Variants in INSR observed in about 807,000 individuals in gnomAD.
INSR encodes insulin receptor, also known as IR.
Under a neutral mutation model 142.6 loss-of-function variants are expected in INSR, and 67 were observed. That is an observed-to-expected ratio of 0.47 (90% CI 0.39 to 0.58). The LOEUF is 0.58. Among genes scored for constraint, INSR ranks in the 20% least tolerant of loss-of-function variants. The pLI, the probability that INSR is intolerant of heterozygous loss-of-function variation, is 0.00. For synonymous variants in INSR, 756 were observed against 743.1 expected (o/e 1.02, Z -0.28); for missense variants, 1,248 against 1,833.2 (o/e 0.68, Z 5.83).
chr19:7,140,451 G>A (rs756832105), intron 13 of INSR, among the ~76,000 whole-genome samples: 2 of 152,118 alleles, frequency 1.3e-5, no homozygotes, highest in Non-Finnish European at 2.9e-5. Flanking sequence ...ATCTGGCCAC[G>A]GAGTCAAACA....
chr19:7,126,327 C>A (rs1474321804), intron 16 of INSR, among the ~76,000 whole-genome samples: 2 of 152,218 alleles, frequency 1.3e-5, no homozygotes, highest in Non-Finnish European at 2.9e-5. Context: ...CAGCTGAGCC[C>A]AGCCCAAGTG....
intron 9 of INSR, among the ~76,000 whole-genome samples, chr19:7,153,470 A>ACACACACCACACACGCAC (rs1973501582): frequency 4.7e-5 from 1 of 21,264 alleles, no homozygotes; most frequent in Admixed American, 6.3e-4. Context: ...CACACACCAC[A>ACACACACCACACACGCAC]CACACACCAC....
chr19:7,143,291 G>C (rs1973117763), intron 11 of INSR, among the ~76,000 whole-genome samples: 1 of 152,216 alleles, frequency 6.6e-6, no homozygotes, highest in African/African-American at 2.4e-5. Flanking sequence ...AGCATCTGAA[G>C]GATTAGAGCA....
chr19:7,283,587 G>A (rs896307234), intron 1 of INSR, among the ~76,000 whole-genome samples: 3 of 152,094 alleles, frequency 2.0e-5, no homozygotes, highest in Admixed American at 6.6e-5. Flanking sequence ...CTACAGGCAT[G>A]AGCCACCGTG....
intron 2 of INSR, among the ~76,000 whole-genome samples, chr19:7,227,601 G>A (rs1306854500): frequency 3.9e-5 from 6 of 152,132 alleles, no homozygotes; most frequent in East Asian, 1.9e-4. Flanking sequence ...GAAAGATCAC[G>A]TGCTTTTTCC....
In INSR at chr19:7,113,410, C is replaced by G. The variant is rs1163999323; in HGVS notation, c.*3646G>C. The G allele has an allele frequency of 2.0e-5, 3 of 152,216 alleles. No individual in the cohort carries two copies. Among genetic ancestry groups the G allele is most frequent in the Non-Finnish European group, 4.4e-5 (3 of 68,058 alleles). 9.4% of individuals were successfully genotyped at this position (152,216 alleles called of 1,614,324 possible). On this transcript the variant is annotated 3_prime_UTR_variant, in exon 22 of 22. Transcript: ENST00000302850. The stretch of plus-strand genomic sequence containing the variant: ...TATATCCAGACAAGCAGCAGTGCTT[C>G]TCTTTCTCACTGCTTCCAATGATGA...
At position 7,233,668 on chromosome 19, in the gene INSR, CTTTTTTT is replaced by C. The variant is rs35763064; in HGVS notation, c.652+33670_652+33676del. On this transcript the variant is annotated intron_variant, in intron 2 of 21. Transcript: ENST00000302850. The stretch of plus-strand genomic sequence containing the variant: ...CGTCTTTTGTTTTTTCTTTTTCTGT[CTTTTTTT>C]TTTTTTTTTTTTTTTTTTGAGACGC... Among the ~76,000 whole-genome samples the C allele has an allele frequency of 1.9e-4, 14 of 72,408 alleles. No homozygotes were observed. The East Asian group carries it at 4.9e-3, about 25-fold the overall frequency. 47.5% of individuals were successfully genotyped at this position (72,408 alleles called of 152,430 possible). A position where few individuals can be genotyped will look rare whatever the true frequency, so the allele number is the denominator to read the frequency against.
Position 7,164,593 on chromosome 19 carries a change from G to A in INSR, c.1862-1394C>T, listed in dbSNP as rs374415885. On this transcript the variant is annotated intron_variant, in intron 8 of 21. Coordinates refer to ENST00000302850, the MANE Select transcript of INSR (RefSeq NM_000208.4). Reference sequence around the variant, plus strand: ...AGCACTTTGGGAAGCCGAGGCAGGCGGATCACCTGAGGCTCGGAGTTCGAG... The same window carrying A: ...AGCACTTTGGGAAGCCGAGGCAGGCAGATCACCTGAGGCTCGGAGTTCGAG... 8.9e-5 allele frequency among the ~76,000 whole-genome samples: 13 copies of A among 145,288 alleles called. No homozygotes were observed. In the East Asian group the frequency reaches 2.0e-3, roughly 23 times the overall value.
At chr19:7,121,407 G>A (rs888867317) in intron 19 of INSR, among the ~76,000 whole-genome samples, 2 of 152,110 alleles carry the variant, frequency 1.3e-5, no homozygotes, top group Non-Finnish European at 2.9e-5. Context: ...GTCCTTCTGG[G>A]TCTGGTTTCT....
chr19:7,142,525 T>C (rs1973095953), intron 12 of INSR, among the ~76,000 whole-genome samples: 2 of 150,228 alleles, frequency 1.3e-5, no homozygotes, highest in South Asian at 4.2e-4. Flanking sequence ...TGAAACCCCA[T>C]CTCTACTAAA....
At chr19:7,126,370 G>C (rs1251744824) in intron 16 of INSR, among the ~76,000 whole-genome samples, 1 of 152,266 alleles carries the variant, frequency 6.6e-6, no homozygotes, top group Non-Finnish European at 1.5e-5. Flanking sequence ...AGACCGGCTA[G>C]ATGAGCCCAT....
intron 2 of INSR, among the ~76,000 whole-genome samples, chr19:7,204,029 C>T (rs1215746707): frequency 6.6e-6 from 1 of 151,932 alleles, no homozygotes; most frequent in Admixed American, 6.6e-5. Flanking sequence ...ATTACAGGCT[C>T]CCGGCTCACT....
intron 1 of INSR, among the ~76,000 whole-genome samples, chr19:7,273,581 T>C (rs1483357866): frequency 1.3e-5 from 2 of 151,734 alleles, no homozygotes; most frequent in Non-Finnish European, 1.5e-5. Context: ...TGCAGTGGCA[T>C]GATCTTGGCT....
chr19:7,194,056 A>G (rs988535349), intron 2 of INSR, among the ~76,000 whole-genome samples: 3 of 152,216 alleles, frequency 2.0e-5, no homozygotes, highest in South Asian at 2.1e-4. Context: ...GATCAGTTAC[A>G]TGATTCTACT....
At chr19:7,282,680 AAAT>A (rs929195129) in intron 1 of INSR, among the ~76,000 whole-genome samples, 8 of 147,164 alleles carry the variant, frequency 5.4e-5, no homozygotes, top group South Asian at 4.3e-4. Flanking sequence ...AGACTGCTCA[AAAT>A]AATAATAATA....
At position 7,152,995 on chromosome 19, in the gene INSR, A is replaced by C. The variant is rs62124500; in HGVS notation, c.2030-68T>G. 554,581 of 764,012 alleles carry C rather than the reference A, an allele frequency of 0.73. 197,747 individuals carry two copies. Among genetic ancestry groups the C allele is most frequent in the Non-Finnish European group, 0.79 (391,078 of 498,098 alleles). The allele number at this position is 764,012 out of a possible 1,614,324, so 47.3% of individuals were successfully genotyped here. A position where few individuals can be genotyped will look rare whatever the true frequency, so the allele number is the denominator to read the frequency against. On this transcript the variant is annotated intron_variant, in intron 9 of 21. Coordinates refer to ENST00000302850, the MANE Select transcript of INSR (RefSeq NM_000208.4). The stretch of plus-strand genomic sequence containing the variant: ...TGAACACACATACACACACACACAC[A>C]CCCCACACACACACACACCACACAC...
Position 7,117,245 on chromosome 19 carries a change from C to T in INSR, c.3960G>A (p.Glu1320=). 1 of 1,614,218 alleles carries T rather than the reference C, an allele frequency of 6.2e-7. No individual in the cohort carries two copies. Among genetic ancestry groups the T allele is most frequent in the South Asian group, 1.1e-5 (1 of 91,086 alleles). Residue 1320 remains glutamate, a synonymous_variant, in exon 22 of 22, where the codon GAG becomes GAA. Transcript: ENST00000302850. ...GGGGCACATTCTCCATGTCCTCAAA[C>T]TCCATCTCCAGCTCCTCACTCTCGG... ...KAPESEELEM[E]FEDMENVPLD...
At chr19:7,163,263 G>A (rs1264718684) in intron 8 of INSR, 64 bp from the exon 9 acceptor site, 1 of 1,481,868 alleles carries the variant, frequency 6.7e-7, no homozygotes, top group Non-Finnish European at 9.4e-7. Flanking sequence ...CTGGTGGGAG[G>A]ATGGCGGGGG....
Position 7,166,462 on chromosome 19 carries a change from C to T in INSR, c.1611-58G>A, listed in dbSNP as rs1973892651. The T allele has an allele frequency of 9.4e-6, 15 of 1,592,776 alleles. No individual in the cohort carries two copies. The highest frequency in any genetic ancestry group is 6.7e-5 in the South Asian group (6 of 89,190). On this transcript the variant is annotated intron_variant, in intron 7 of 21. Coordinates refer to ENST00000302850, the MANE Select transcript of INSR (RefSeq NM_000208.4). This position sits in a 1 kb window ranked among gnomAD's most constrained non-coding sequence, Gnocchi z 4.1. ...CTTACAAGACCGTCACACTGAGTGCCGTGCAGATGAGGCCTGGGAAGTTAC... is the reference window on the plus strand; with the variant it reads ...CTTACAAGACCGTCACACTGAGTGCTGTGCAGATGAGGCCTGGGAAGTTAC...
Sources: gnomAD v4.1 joint callset for allele counts (sites outside exome capture counted in the v4.1 genomes callset) on GRCh38, gnomAD v4.1.1 for gene constraint, Gnocchi (gnomAD v3.1) non-coding constraint, MANE v1.5 for transcripts, NCBI Gene and HGNC (gene_info 2026-07-23, HGNC 2026-07-21) for gene names.